Variants in EML6 observed in about 807,000 individuals in gnomAD.
EML6 encodes the protein EMAP like 6.
Under a neutral mutation model 240.1 loss-of-function variants are expected in EML6, and 154 were observed. That is an observed-to-expected ratio of 0.64 (90% CI 0.56 to 0.73). The LOEUF (loss-of-function observed/expected upper bound fraction) is 0.73. EML6 is among the 30% of genes least tolerant of loss of function. The pLI is 0.00. For synonymous variants in EML6, 1,148 were observed against 899.0 expected, an observed-to-expected ratio of 1.28 and a Z score of -4.95; for missense variants, 2,964 against 2,474.6, an observed-to-expected ratio of 1.20 and a Z score of -4.20.
chr2:54,867,991 A>G (rs1671060305), intron 14 of EML6: 1 of 152,176 alleles, frequency 6.6e-6, no homozygotes, highest in East Asian at 1.9e-4. Context: ...ACACACAGTC[A>G]CTGAGCACTT....
At chr2:54,910,915 A>C in intron 24 of EML6, 39 bp from the exon 25 acceptor site, 1 of 1,047,404 alleles carries the variant, frequency 9.5e-7, no homozygotes, top group Non-Finnish European at 1.4e-6. Flanking sequence ...AGATAAAGTC[A>C]GATTTTAATT....
At chr2:54,965,425 G>A (rs370125244) in intron 38 of EML6, among the ~76,000 whole-genome samples, 3 of 152,286 alleles carry the variant, frequency 2.0e-5, no homozygotes, top group East Asian at 1.9e-4. Context: ...TCACCTTGCC[G>A]GCTGCCTAGA....
chr2:54,886,895 A>T (rs1672175550), intron 17 of EML6, among the ~76,000 whole-genome samples: 1 of 152,214 alleles, frequency 6.6e-6, no homozygotes, highest in African/African-American at 2.4e-5. Flanking sequence ...ATCAGAAAAG[A>T]TAAAATCGGT....
At chr2:54,899,573 C>A in intron 21 of EML6, 68 bp from the exon 22 acceptor site, 2 of 1,469,136 alleles carry the variant, frequency 1.4e-6, no homozygotes, top group African/African-American at 1.4e-5. Context: ...ATATGTAGCA[C>A]CAGGCTAAAG....
At chr2:54,769,711 C>A (rs1016001570) in intron 2 of EML6, among the ~76,000 whole-genome samples, 7 of 152,180 alleles carry the variant, frequency 4.6e-5, no homozygotes, top group African/African-American at 1.7e-4. Flanking sequence ...CAAGAGTTTT[C>A]TTCTGCCCTC....
At chr2:54,827,807 G>T (rs867024790) in intron 6 of EML6, 56 bp downstream of exon 6, 2 of 1,234,136 alleles carry the variant, frequency 1.6e-6, no homozygotes, top group South Asian at 1.3e-5. Context: ...GTAAGACCAC[G>T]AATCCCTCCC....
At chr2:54,891,991 T>A (rs1466155404) in intron 18 of EML6, among the ~76,000 whole-genome samples, 1 of 152,198 alleles carries the variant, frequency 6.6e-6, no homozygotes, top group African/African-American at 2.4e-5. Flanking sequence ...ATATATAACA[T>A]GCTTATATTT....
intron 10 of EML6, among the ~76,000 whole-genome samples, chr2:54,853,005 A>G (rs997536719): frequency 2.0e-5 from 3 of 152,214 alleles, no homozygotes; most frequent in Non-Finnish European, 4.4e-5. Flanking sequence ...CGTGAATTAC[A>G]TTTTATTTCA....
intron 5 of EML6, among the ~76,000 whole-genome samples, chr2:54,825,314 C>T (rs563179028): frequency 3.3e-5 from 5 of 152,280 alleles, no homozygotes; most frequent in African/African-American, 1.2e-4. Context: ...ATAGTTTGTT[C>T]AGGTTCATAG....
chr2:54,742,329 T>TA (rs1683685126), intron 2 of EML6, among the ~76,000 whole-genome samples: 1 of 152,200 alleles, frequency 6.6e-6, no homozygotes, highest in South Asian at 2.1e-4. Context: ...AAAGGGTATA[T>TA]GTGTCTCCAT....
At chr2:54,856,390 C>T (rs374125975) in intron 11 of EML6, among the ~76,000 whole-genome samples, 1 of 152,188 alleles carries the variant, frequency 6.6e-6, no homozygotes, top group Non-Finnish European at 1.5e-5. Flanking sequence ...CTGGTGCACC[C>T]GTTCCATTCC....
chr2:54,835,674 C>T (rs1045214482), intron 7 of EML6, among the ~76,000 whole-genome samples: 12 of 152,122 alleles, frequency 7.9e-5, no homozygotes, highest in Admixed American at 5.2e-4. Flanking sequence ...CTGAGTACTG[C>T]GATGGTCAGA....
intron 14 of EML6, 167 bp downstream of exon 14, chr2:54,867,051 ACT>A (rs1671009001): frequency 2.1e-6 from 1 of 487,316 alleles, no homozygotes; most frequent in Non-Finnish European, 3.8e-6. Context: ...TTTAAGTGTG[ACT>A]CTCTATCCAC....
At chr2:54,881,043 A>G (rs1671782637) in intron 17 of EML6, 1 of 152,194 alleles carries the variant, frequency 6.6e-6, no homozygotes, top group African/African-American at 2.4e-5. Flanking sequence ...ACTTAACACC[A>G]TTATGTTAAT....
chr2:54,861,264 C>T (rs535896412), intron 12 of EML6, among the ~76,000 whole-genome samples: 16 of 152,324 alleles, frequency 1.1e-4, no homozygotes, highest in South Asian at 1.0e-3. Flanking sequence ...CCAAGTGCCA[C>T]ACCTTCTATA....
chr2:54,933,661 G>C (rs1197687506), intron 28 of EML6, among the ~76,000 whole-genome samples: 1 of 152,136 alleles, frequency 6.6e-6, no homozygotes, highest in Non-Finnish European at 1.5e-5. Flanking sequence ...GAACCCAGGA[G>C]GCAGAGGTTG....
At chr2:54,889,110 A>G (rs542672706) in intron 17 of EML6, among the ~76,000 whole-genome samples, 3 of 152,234 alleles carry the variant, frequency 2.0e-5, no homozygotes, top group East Asian at 1.9e-4. Context: ...ACATTTTTAT[A>G]TTCATTTGTG....
intron 19 of EML6, 39 bp from the exon 20 acceptor site, chr2:54,894,876 T>C (rs1279477158): frequency 1.4e-6 from 2 of 1,428,696 alleles, no homozygotes; most frequent in Non-Finnish European, 1.9e-6. Flanking sequence ...ATTGGTCATT[T>C]TGATGTGTAT....
chr2:54,950,251 C>T (rs1254464019), intron 29 of EML6, among the ~76,000 whole-genome samples: 1 of 152,216 alleles, frequency 6.6e-6, no homozygotes, highest in Admixed American at 6.5e-5. Flanking sequence ...ACCCTGGTCA[C>T]ATTGATGAGA....
Sources: allele counts gnomAD v4.1 joint callset (sites outside exome capture counted in the v4.1 genomes callset), GRCh38; gene constraint gnomAD v4.1.1; transcripts MANE v1.5; gene names NCBI Gene and HGNC (gene_info 2026-07-23, HGNC 2026-07-21).